RIMS1: variants seen among roughly 807,000 people sequenced by gnomAD.
RIMS1 encodes the protein regulating synaptic membrane exocytosis 1.
Under a neutral mutation model 214.1 loss-of-function variants are expected in RIMS1, and 83 were observed. The observed-to-expected ratio is 0.39, with a 90% confidence interval of 0.32 to 0.47. The LOEUF (loss-of-function observed/expected upper bound fraction) is 0.47. Ranked by LOEUF, RIMS1 falls within the 20% of genes least tolerant of loss-of-function variation. The pLI, the probability that RIMS1 is intolerant of heterozygous loss-of-function variation, is 0.99. For missense variants in RIMS1, 2,050 were observed against 2,161.8 expected (o/e 0.95, Z 1.03); for synonymous variants, 793 against 786.8 (o/e 1.01, Z -0.13).
At chr6:72,352,301 G>A (rs1024310404) in intron 29 of RIMS1, among the ~76,000 whole-genome samples, 3 of 152,130 alleles carry the variant, frequency 2.0e-5, no homozygotes, top group Non-Finnish European at 4.4e-5. Context: ...TACATACAAT[G>A]AGTCATACTG....
At chr6:72,185,523 A>C (rs1192417926) in intron 6 of RIMS1, among the ~76,000 whole-genome samples, 1 of 152,230 alleles carries the variant, frequency 6.6e-6, no homozygotes, top group Non-Finnish European at 1.5e-5. Context: ...TTGATGGATG[A>C]GTGCTTCTTA....
At chr6:72,256,896 C>A (rs2076095203) in intron 16 of RIMS1, among the ~76,000 whole-genome samples, 1 of 151,638 alleles carries the variant, frequency 6.6e-6, no homozygotes, top group African/African-American at 2.4e-5. Flanking sequence ...ATAAATTATA[C>A]CATTTATGAA....
At chr6:72,071,998 G>A (rs1194283938) in intron 2 of RIMS1, among the ~76,000 whole-genome samples, 1 of 152,158 alleles carries the variant, frequency 6.6e-6, no homozygotes, top group Admixed American at 6.5e-5. Flanking sequence ...TGGAGATAGT[G>A]CAGACATGTT....
At chr6:72,096,141 G>A (rs1041196768) in intron 2 of RIMS1, among the ~76,000 whole-genome samples, 1 of 152,186 alleles carries the variant, frequency 6.6e-6, no homozygotes, top group African/African-American at 2.4e-5. Flanking sequence ...GACAACTTTA[G>A]TTGTCCCCAC....
At chr6:72,115,760 C>T (rs1029084157) in intron 4 of RIMS1, among the ~76,000 whole-genome samples, 5 of 151,840 alleles carry the variant, frequency 3.3e-5, no homozygotes, top group Admixed American at 6.6e-5. Context: ...AATCACAGCT[C>T]GAGGTTCATT....
intron 2 of RIMS1, among the ~76,000 whole-genome samples, chr6:72,011,731 G>A (rs576543691): frequency 4.9e-4 from 75 of 152,294 alleles, no homozygotes; most frequent in African/African-American, 1.8e-3. Context: ...ATGAAAAAAT[G>A]CTCACCATCA....
At chr6:72,088,990 A>G (rs564765985) in intron 2 of RIMS1, among the ~76,000 whole-genome samples, 1 of 151,954 alleles carries the variant, frequency 6.6e-6, no homozygotes, top group South Asian at 2.1e-4. Flanking sequence ...AAAATGGAAA[A>G]TGAATGGGAA....
At chr6:72,142,013 A>G (rs2042134168) in intron 4 of RIMS1, among the ~76,000 whole-genome samples, 1 of 152,010 alleles carries the variant, frequency 6.6e-6, no homozygotes, top group Non-Finnish European at 1.5e-5. Context: ...TAAAACATCT[A>G]TTAAAAGTGA....
intron 2 of RIMS1, among the ~76,000 whole-genome samples, chr6:72,089,840 T>TA (rs1465893946): frequency 7.0e-6 from 1 of 143,462 alleles, no homozygotes; most frequent in Non-Finnish European, 1.5e-5. Flanking sequence ...TATGCAGCCA[T>TA]AAAAAAATGA....
At chr6:72,076,980 A>G (rs866496939) in intron 2 of RIMS1, among the ~76,000 whole-genome samples, 2 of 152,118 alleles carry the variant, frequency 1.3e-5, no homozygotes, top group Non-Finnish European at 2.9e-5. Flanking sequence ...AATTCCCTCC[A>G]TGGTTCTCAA....
chr6:72,101,224 T>C (rs2033498564), intron 4 of RIMS1, among the ~76,000 whole-genome samples: 2 of 152,002 alleles, frequency 1.3e-5, no homozygotes, highest in South Asian at 2.1e-4. Context: ...TTATTTGTGC[T>C]TGTTATGATT....
intron 2 of RIMS1, among the ~76,000 whole-genome samples, chr6:72,006,081 G>A (rs1807466054): frequency 6.6e-6 from 1 of 152,120 alleles, no homozygotes; most frequent in Admixed American, 6.5e-5. Flanking sequence ...TGGCCTTCTT[G>A]CTTTGCTCTC....
At chr6:72,117,205 ATTTC>A (rs2153826205) in intron 4 of RIMS1, among the ~76,000 whole-genome samples, 1 of 152,034 alleles carries the variant, frequency 6.6e-6, no homozygotes, top group East Asian at 1.9e-4. Context: ...AAAAATCTGC[ATTTC>A]TTTCTCTTAG....
At chr6:72,345,178 CAG>C (rs567029999) in intron 29 of RIMS1, among the ~76,000 whole-genome samples, 27 of 151,764 alleles carry the variant, frequency 1.8e-4, no homozygotes, top group African/African-American at 6.3e-4. Flanking sequence ...TTATTTAATT[CAG>C]AGTGTTTTTT....
intron 2 of RIMS1, among the ~76,000 whole-genome samples, chr6:72,028,045 T>C (rs981040910): frequency 5.3e-5 from 8 of 152,174 alleles, no homozygotes; most frequent in African/African-American, 1.7e-4. Context: ...AACTGATATG[T>C]ACCAGGTTGT....
intron 28 of RIMS1, among the ~76,000 whole-genome samples, chr6:72,316,095 A>C (rs980203919): frequency 1.3e-5 from 2 of 152,028 alleles, no homozygotes; most frequent in African/African-American, 4.8e-5. Context: ...AACAAACAAA[A>C]CAAAAAAAAA....
chr6:72,119,589 T>C (rs1008984033), intron 4 of RIMS1, among the ~76,000 whole-genome samples: 1 of 151,864 alleles, frequency 6.6e-6, no homozygotes, highest in African/African-American at 2.4e-5. Context: ...AGCATGGTAC[T>C]GGTATAAAAA....
chr6:72,033,759 G>A (rs1425129570), intron 2 of RIMS1, among the ~76,000 whole-genome samples: 1 of 152,150 alleles, frequency 6.6e-6, no homozygotes, highest in Admixed American at 6.5e-5. Context: ...TGAGATTACA[G>A]ATGTGAGCTA....
chr6:72,073,212 A>G (rs1323161239), intron 2 of RIMS1, among the ~76,000 whole-genome samples: 1 of 152,150 alleles, frequency 6.6e-6, no homozygotes, highest in African/African-American at 2.4e-5. Context: ...TAGCACCTGC[A>G]AAATTTAAAC....
Sources: gnomAD v4.1 joint callset for allele counts (sites outside exome capture counted in the v4.1 genomes callset) on GRCh38, gnomAD v4.1.1 for gene constraint, MANE v1.5 for transcripts, NCBI Gene and HGNC (gene_info 2026-07-23, HGNC 2026-07-21) for gene names.